TMEM9: variants seen among roughly 807,000 people sequenced by gnomAD.
The protein encoded by TMEM9 is transmembrane protein 9, also known as proton-transporting V-type ATPase complex assembly regulator TMEM9.
Under a neutral mutation model 22.8 loss-of-function variants are expected in TMEM9, and 13 were observed. The ratio of observed to expected loss-of-function variants is 0.57; its 90% CI spans 0.37 to 0.91. The LOEUF (loss-of-function observed/expected upper bound fraction) is 0.91. Ranked by LOEUF, TMEM9 falls within the 40% of genes least tolerant of loss-of-function variation. TMEM9 has a pLI of 0.01. For synonymous variants in TMEM9, 88 were observed against 93.0 expected (o/e 0.95, Z 0.31); for missense variants, 182 against 238.1 (o/e 0.76, Z 1.55).
intron 4 of TMEM9, among the ~76,000 whole-genome samples, chr1:201,141,245 T>G (rs1324586909): frequency 6.6e-6 from 1 of 152,240 alleles, no homozygotes; most frequent in Non-Finnish European, 1.5e-5. Context: ...CGTTTCCTGC[T>G]GCTTTACCTG....
chr1:201,158,916 C>G (rs1405970215), upstream of TMEM9, among the ~76,000 whole-genome samples: 2 of 152,132 alleles, frequency 1.3e-5, no homozygotes, highest in African/African-American at 4.8e-5. Flanking sequence ...CTGTCCCTAC[C>G]GTTGGTGCTC....
intron 4 of TMEM9, among the ~76,000 whole-genome samples, chr1:201,138,278 T>C (rs777493702): frequency 4.6e-5 from 7 of 152,316 alleles, no homozygotes; most frequent in Non-Finnish European, 8.8e-5. Context: ...TTCACCACAT[T>C]ACCACAGTAT....
At chr1:201,152,433 G>A (rs1260290303) in intron 1 of TMEM9, among the ~76,000 whole-genome samples, 1 of 152,208 alleles carries the variant, frequency 6.6e-6, no homozygotes, top group Non-Finnish European at 1.5e-5. Flanking sequence ...TTTCTGAGGA[G>A]AGAATGGAAA....
intron 4 of TMEM9, 97 bp downstream of exon 4, chr1:201,143,723 G>T: frequency 7.9e-7 from 1 of 1,270,372 alleles, no homozygotes; most frequent in South Asian, 1.3e-5. Flanking sequence ...AAGCATTTTG[G>T]GGAGGTGGGA....
At chr1:201,149,137 C>G (rs1475615492) in intron 2 of TMEM9, among the ~76,000 whole-genome samples, 2 of 152,200 alleles carry the variant, frequency 1.3e-5, no homozygotes, top group South Asian at 4.1e-4. Flanking sequence ...GATCTTGCTA[C>G]CCAGGGGAAC....
At chr1:201,152,197 C>T (rs189424236) in intron 1 of TMEM9, among the ~76,000 whole-genome samples, 3 of 151,994 alleles carry the variant, frequency 2.0e-5, no homozygotes, top group African/African-American at 4.8e-5. Flanking sequence ...TCCTCTACCC[C>T]AGACCCCACA....
At chr1:201,147,330 A>G (rs1487581996) in intron 2 of TMEM9, among the ~76,000 whole-genome samples, 2 of 151,170 alleles carry the variant, frequency 1.3e-5, no homozygotes, top group African/African-American at 4.9e-5. Flanking sequence ...TCAACTCCCT[A>G]CTCCTGCAAA....
rs761331496 is a variant in TMEM9 at position 201,151,745 on chromosome 1, G to C, written c.158+16C>G. 1 of 1,601,914 alleles carries C rather than the reference G, an allele frequency of 6.2e-7. No individual in the cohort carries two copies. Among genetic ancestry groups the C allele is most frequent in the South Asian group, 1.1e-5 (1 of 90,854 alleles). On this transcript the variant is annotated intron_variant, in intron 2 of 4. Transcript: ENST00000367330. ...AACTGGGTATAGCAGCCAGGGGCCTGCGTGTAATGCCTTACCAGTCCTTCT... is the reference window on the plus strand; with the variant it reads ...AACTGGGTATAGCAGCCAGGGGCCTCCGTGTAATGCCTTACCAGTCCTTCT...
chr1:201,145,126 GGAA>G (rs1164065435), intron 3 of TMEM9: 1 of 152,310 alleles, frequency 6.6e-6, no homozygotes, highest in Non-Finnish European at 1.5e-5. Context: ...CCAGGAAGGC[GGAA>G]GGAGAACAGA....
intron 4 of TMEM9, among the ~76,000 whole-genome samples, chr1:201,141,751 A>G (rs1322024123): frequency 1.3e-5 from 2 of 152,006 alleles, no homozygotes; most frequent in Non-Finnish European, 2.9e-5. Context: ...CTTCCTCCCA[A>G]GGCCCCCTCA....
intron 4 of TMEM9, among the ~76,000 whole-genome samples, chr1:201,139,346 CCTCT>C (rs1664300763): frequency 6.6e-6 from 1 of 152,234 alleles, no homozygotes; most frequent in Non-Finnish European, 1.5e-5. Context: ...GACTATACAG[CCTCT>C]CTGAGTTTTC....
At chr1:201,170,841 G>A (rs1418571957) in intron 1 of TMEM9, among the ~76,000 whole-genome samples, 1 of 150,622 alleles carries the variant, frequency 6.6e-6, no homozygotes, top group South Asian at 2.2e-4. Context: ...CACTCCAGCC[G>A]TCCAATCCCG....
chr1:201,139,582 A>T (rs1052300353), intron 4 of TMEM9, among the ~76,000 whole-genome samples: 1 of 148,522 alleles, frequency 6.7e-6, no homozygotes, highest in Non-Finnish European at 1.5e-5. Context: ...CTCCCCCCTT[A>T]CCCCCCAGCC....
At chr1:201,151,090 G>A (rs1189626974) in intron 2 of TMEM9, among the ~76,000 whole-genome samples, 1 of 152,004 alleles carries the variant, frequency 6.6e-6, no homozygotes, top group Non-Finnish European at 1.5e-5. Flanking sequence ...GCTCCCACAT[G>A]TCCCACCTCC....
At chr1:201,146,939 G>A in intron 2 of TMEM9, 91 bp from the exon 3 acceptor site, 3 of 1,220,958 alleles carry the variant, frequency 2.5e-6, no homozygotes, top group Non-Finnish European at 3.5e-6. Context: ...GGAGCTGAGA[G>A]GTAGGGGCTA....
At chr1:201,169,256 G>C (rs888466653) in intron 1 of TMEM9, among the ~76,000 whole-genome samples, 18 of 152,188 alleles carry the variant, frequency 1.2e-4, no homozygotes, top group African/African-American at 4.3e-4. Flanking sequence ...ACAAATATGA[G>C]AGGGACAGGT....
chr1:201,165,443 CTTT>C (rs757893021), intron 1 of TMEM9, among the ~76,000 whole-genome samples: 1 of 144,066 alleles, frequency 6.9e-6, no homozygotes. Flanking sequence ...CTTTTTCTTT[CTTT>C]TTTTTTTTTG....
intron 1 of TMEM9, among the ~76,000 whole-genome samples, chr1:201,152,430 G>A (rs1665506922): frequency 6.6e-6 from 1 of 152,206 alleles, no homozygotes; most frequent in Non-Finnish European, 1.5e-5. Context: ...GGATTTCTGA[G>A]GAGAGAATGG....
In TMEM9 at chr1:201,154,043, T is replaced by A. The variant is rs1665651400; in HGVS notation, c.-120A>T. On this transcript the variant is annotated 5_prime_UTR_variant, in exon 1 of 5. Transcript: ENST00000367330. Reference sequence around the variant, plus strand: ...CTAGGCCCTTAACCATCCGGCCAAGTGGGAATGGGGTTGGGGGCTGGGCTC... The same window carrying A: ...CTAGGCCCTTAACCATCCGGCCAAGAGGGAATGGGGTTGGGGGCTGGGCTC... The A allele has an allele frequency of 3.3e-6, 4 of 1,227,760 alleles. No homozygotes were observed. The highest frequency in any genetic ancestry group is 3.1e-5 in the South Asian group (2 of 64,840). 76.1% of individuals were successfully genotyped at this position (1,227,760 alleles called of 1,614,324 possible). A position where few individuals can be genotyped will look rare whatever the true frequency, so the allele number is the denominator to read the frequency against.
Sources: gnomAD v4.1 joint callset for allele counts (sites outside exome capture counted in the v4.1 genomes callset) on GRCh38, gnomAD v4.1.1 for gene constraint, MANE v1.5 for transcripts, NCBI Gene and HGNC (gene_info 2026-07-23, HGNC 2026-07-21) for gene names.